The following LRP1B variants were observed in gnomAD, a reference collection of about 807,000 sequenced individuals.
LRP1B encodes low-density lipoprotein receptor-related protein 1B.
LRP1B carries 217 observed loss-of-function variants against 556.6 expected under a neutral mutation model. That is an observed-to-expected ratio of 0.39 (90% CI 0.35 to 0.44). LRP1B has a LOEUF of 0.44. Ranked by LOEUF, LRP1B falls within the 20% of genes least tolerant of loss-of-function variation. The pLI is 1.00. For synonymous variants in LRP1B, 2,047 were observed against 1,865.8 expected (o/e 1.10, Z -2.50); for missense variants, 5,053 against 5,620.8 (o/e 0.90, Z 3.23).
chr2:141,490,998 G>A (rs1421905334), intron 2 of LRP1B, among the ~76,000 whole-genome samples: 2 of 147,920 alleles, frequency 1.4e-5, no homozygotes, highest in African/African-American at 5.0e-5. Context: ...TGATATACTA[G>A]GTTCTTTCAT....
At chr2:140,348,078 T>C (rs1414587873) in intron 77 of LRP1B, among the ~76,000 whole-genome samples, 1 of 152,024 alleles carries the variant, frequency 6.6e-6, no homozygotes, top group Non-Finnish European at 1.5e-5. Flanking sequence ...CATACATCTT[T>C]TGGAAATCAA....
At position 140,872,360 on chromosome 2, in the gene LRP1B, A is replaced by ATTTTTTTTTTTTTTT. The variant is rs59469282; in HGVS notation, c.4170-4112_4170-4098dup. Among the ~76,000 whole-genome samples the ATTTTTTTTTTTTTTT allele has an allele frequency of 1.9e-3, 113 of 60,480 alleles. 10 individuals carry two copies. Among genetic ancestry groups the ATTTTTTTTTTTTTTT allele is most frequent in the Non-Finnish European group, 2.8e-3 (95 of 33,524 alleles). The allele number at this position is 60,480 out of a possible 152,430, so 39.7% of individuals were successfully genotyped here. A position where few individuals can be genotyped will look rare whatever the true frequency, so the allele number is the denominator to read the frequency against. On this transcript the variant is annotated intron_variant, in intron 25 of 90. Transcript: ENST00000389484. The stretch of plus-strand genomic sequence containing the variant: ...GCTTGCTTTTGTATTGTGTCACCTG[A>ATTTTTTTTTTTTTTT]TTTTTTTTTTTTTTTTTTTTTTTTT...
intron 1 of LRP1B, among the ~76,000 whole-genome samples, chr2:142,122,942 T>C (rs1707509500): frequency 6.6e-6 from 1 of 152,090 alleles, no homozygotes; most frequent in Non-Finnish European, 1.5e-5. Flanking sequence ...ATCTCTATAA[T>C]ATCTATTTTA....
chr2:142,122,584 CT>C (rs1427173767), intron 1 of LRP1B, among the ~76,000 whole-genome samples: 2 of 152,048 alleles, frequency 1.3e-5, no homozygotes, highest in East Asian at 3.9e-4. Flanking sequence ...TACAAGGGCG[CT>C]CAGCAAGAGT....
chr2:142,035,500 G>A (rs1054025300), intron 1 of LRP1B, among the ~76,000 whole-genome samples: 2 of 151,322 alleles, frequency 1.3e-5, no homozygotes, highest in Admixed American at 6.6e-5. Context: ...GTTCTAATGT[G>A]TAGCTTGATT....
intron 3 of LRP1B, among the ~76,000 whole-genome samples, chr2:141,476,523 AC>A (rs1228748889): frequency 2.0e-5 from 3 of 152,118 alleles, no homozygotes; most frequent in Admixed American, 6.5e-5. Flanking sequence ...TTACTGTAAA[AC>A]TTTTATAAGC....
At chr2:141,296,653 A>G (rs542287264) in intron 3 of LRP1B, among the ~76,000 whole-genome samples, 30 of 152,374 alleles carry the variant, frequency 2.0e-4, no homozygotes, top group African/African-American at 7.2e-4. Flanking sequence ...TTGCACTGAC[A>G]TAAGTATGTA....
intron 50 of LRP1B, among the ~76,000 whole-genome samples, chr2:140,516,275 TAAC>T (rs1474188272): frequency 5.9e-5 from 9 of 151,996 alleles, no homozygotes; most frequent in African/African-American, 2.2e-4. Context: ...GATTAAATAA[TAAC>T]AATACAAGAA....
At chr2:140,490,214 A>G (rs1688642601) in intron 57 of LRP1B, among the ~76,000 whole-genome samples, 1 of 152,130 alleles carries the variant, frequency 6.6e-6, no homozygotes, top group South Asian at 2.1e-4. Context: ...TTTCTCACAC[A>G]ATTTTACTGG....
chr2:140,547,632 G>A (rs1251573125), intron 43 of LRP1B, among the ~76,000 whole-genome samples: 1 of 151,536 alleles, frequency 6.6e-6, no homozygotes, highest in Non-Finnish European at 1.5e-5. Flanking sequence ...GAACAAATCT[G>A]TGCCTTCCTG....
At chr2:141,869,975 G>A (rs1396321774) in intron 1 of LRP1B, among the ~76,000 whole-genome samples, 4 of 151,926 alleles carry the variant, frequency 2.6e-5, no homozygotes, top group Admixed American at 6.6e-5. Context: ...TTTATTTACT[G>A]TAAGCTAAAG....
rs116212684 is a variant in LRP1B at position 141,096,144 on chromosome 2, C to T, written c.1014-33871G>A. Among the ~76,000 whole-genome samples, 1,221 of 152,082 alleles carry T rather than the reference C, an allele frequency of 8.0e-3. 18 individuals are homozygous for T. The highest frequency in any genetic ancestry group is 0.028 in the African/African-American group (1,173 of 41,472). ...AAATATTTCTTTCCTATTATACTTCCCCATGCCAAATATGTTATAATAAAT... is the reference window on the plus strand; with the variant it reads ...AAATATTTCTTTCCTATTATACTTCTCCATGCCAAATATGTTATAATAAAT... On this transcript the variant is annotated intron_variant, in intron 7 of 90. Transcript: ENST00000389484.
intron 2 of LRP1B, among the ~76,000 whole-genome samples, chr2:141,601,142 A>G (rs2105308621): frequency 1.3e-5 from 2 of 152,168 alleles, no homozygotes; most frequent in Middle Eastern, 3.4e-3. Context: ...TACTGCAAAA[A>G]CTCAGGAAGC....
rs923037980 is a variant in LRP1B, at chr2:141,615,484, C to A, written c.206-134951G>T. On this transcript the variant is annotated intron_variant, in intron 2 of 90. Coordinates refer to ENST00000389484, the MANE Select transcript of LRP1B (RefSeq NM_018557.3). Reference sequence around the variant, plus strand: ...AGTTAAGAAATGAAGGAAACTAATGCATTAGGCTGAAATTCCTACATTTAG... The same window carrying A: ...AGTTAAGAAATGAAGGAAACTAATGAATTAGGCTGAAATTCCTACATTTAG... Among the ~76,000 whole-genome samples the A allele has an allele frequency of 1.1e-4, 17 of 152,266 alleles. No individual in the cohort carries two copies. In the East Asian group the frequency reaches 3.1e-3, roughly 28 times the overall value.
At chr2:141,106,535 G>GAAAAAAAA (rs1553460732) in intron 7 of LRP1B, among the ~76,000 whole-genome samples, 1 of 147,222 alleles carries the variant, frequency 6.8e-6, no homozygotes, top group Non-Finnish European at 1.5e-5. Context: ...GAATTCAGAA[G>GAAAAAAAA]TAAATAGACA....
chr2:141,566,581 C>CAT (rs1285691277), intron 2 of LRP1B, among the ~76,000 whole-genome samples: 1 of 152,202 alleles, frequency 6.6e-6, no homozygotes, highest in Non-Finnish European at 1.5e-5. Context: ...TGAGTAACTT[C>CAT]ATGTGAAACG....
At chr2:140,851,901 A>T in intron 27 of LRP1B, 118 bp from the exon 28 acceptor site, 1 of 723,438 alleles carries the variant, frequency 1.4e-6, no homozygotes. Flanking sequence ...CATAGAACCC[A>T]TTAGTAGGGT....
At chr2:140,550,595 A>C (rs1680512598) in intron 43 of LRP1B, among the ~76,000 whole-genome samples, 1 of 152,154 alleles carries the variant, frequency 6.6e-6, no homozygotes, top group Admixed American at 6.5e-5. Context: ...TTTTCACATC[A>C]CTGTCAGTCC....
chr2:141,109,666 CAA>C (rs34120181), intron 7 of LRP1B, among the ~76,000 whole-genome samples: 172 of 134,488 alleles, frequency 1.3e-3, no homozygotes, highest in Admixed American at 1.3e-3. Context: ...TACAACCTTG[CAA>C]AAAAAAAAAA....
Sources: allele counts gnomAD v4.1 joint callset (sites outside exome capture counted in the v4.1 genomes callset), GRCh38; gene constraint gnomAD v4.1.1; transcripts MANE v1.5; gene names NCBI Gene and HGNC (gene_info 2026-07-23, HGNC 2026-07-21).